Variants in MYO5B observed in about 807,000 individuals in gnomAD.
The protein encoded by MYO5B is myosin VB, also known as unconventional myosin-Vb.
Under a neutral mutation model 229.3 loss-of-function variants are expected in MYO5B, and 143 were observed. That is an observed-to-expected ratio of 0.62 (90% CI 0.54 to 0.72). The LOEUF (loss-of-function observed/expected upper bound fraction) is 0.72, where lower values mean the gene tolerates loss of function less well. MYO5B is among the 30% of genes least tolerant of loss of function. The pLI is 0.00. For synonymous variants in MYO5B, 918 were observed against 885.2 expected, an observed-to-expected ratio of 1.04 and a Z score of -0.66; for missense variants, 2,321 against 2,331.0, an observed-to-expected ratio of 1.00 and a Z score of 0.09.
intron 1 of MYO5B, among the ~76,000 whole-genome samples, chr18:50,159,945 G>A (rs2032739736): frequency 6.6e-6 from 1 of 152,186 alleles, no homozygotes; most frequent in African/African-American, 2.4e-5. Context: ...ACAGGCACAG[G>A]CACACAGACG....
intron 29 of MYO5B, among the ~76,000 whole-genome samples, chr18:49,858,387 C>G (rs910616004): frequency 1.3e-5 from 2 of 152,222 alleles, no homozygotes; most frequent in African/African-American, 2.4e-5. Context: ...AGCGCATCAG[C>G]GCTGAAAGGG....
intron 38 of MYO5B, 107 bp downstream of exon 38, chr18:49,836,604 A>G (rs1568602690): frequency 2.3e-6 from 3 of 1,305,018 alleles, no homozygotes; most frequent in Non-Finnish European, 3.3e-6. Flanking sequence ...GGGTATATAA[A>G]GGGTGGGAGT....
intron 1 of MYO5B, among the ~76,000 whole-genome samples, chr18:50,173,490 C>T (rs564617002): frequency 8.5e-5 from 13 of 152,250 alleles, no homozygotes; most frequent in Middle Eastern, 3.4e-3. Flanking sequence ...GATCTGGCTG[C>T]TGCACAGAGA....
At chr18:50,149,002 C>G (rs1388556985) in intron 1 of MYO5B, among the ~76,000 whole-genome samples, 2 of 150,762 alleles carry the variant, frequency 1.3e-5, no homozygotes, top group African/African-American at 4.8e-5. Context: ...GATACAAAAT[C>G]AATGTACAAA....
intron 1 of MYO5B, among the ~76,000 whole-genome samples, chr18:50,073,291 C>G (rs374598340): frequency 2.3e-4 from 35 of 152,228 alleles, no homozygotes; most frequent in African/African-American, 8.4e-4. Context: ...TTTTATCACT[C>G]AACAAAACTC....
At chr18:50,083,268 C>T (rs879482227) in intron 1 of MYO5B, among the ~76,000 whole-genome samples, 1 of 152,160 alleles carries the variant, frequency 6.6e-6, no homozygotes. Flanking sequence ...CTTGCCAAAC[C>T]CCACCATTTA....
At chr18:49,881,543 C>G (rs1226618399) in intron 22 of MYO5B, among the ~76,000 whole-genome samples, 2 of 152,138 alleles carry the variant, frequency 1.3e-5, no homozygotes, top group Non-Finnish European at 2.9e-5. Flanking sequence ...TGGCTCACAC[C>G]TGTAATCCCA....
At chr18:50,036,715 T>C in intron 4 of MYO5B, 135 bp downstream of exon 4, 1 of 1,011,958 alleles carries the variant, frequency 9.9e-7, no homozygotes, top group Non-Finnish European at 1.5e-6. Context: ...GAACTTGGGC[T>C]GCTTTGTTTC....
At chr18:49,849,827 A>G in intron 31 of MYO5B, 167 bp from the exon 32 acceptor site, 1 of 690,228 alleles carries the variant, frequency 1.4e-6, no homozygotes, top group East Asian at 2.7e-5. Flanking sequence ...GGCTGTTGCC[A>G]CCTGCTCTGG....
At position 50,071,187 on chromosome 18, in the gene MYO5B, T is replaced by C. The variant is rs1030875866; in HGVS notation, c.28-15809A>G. Reference sequence around the variant, plus strand: ...TGGGCCTTGCTCATGCTGGTTCCTCTGCTGAAGATATCTTCCTCCCTTCCT... The same window carrying C: ...TGGGCCTTGCTCATGCTGGTTCCTCCGCTGAAGATATCTTCCTCCCTTCCT... On this transcript the variant is annotated intron_variant, in intron 1 of 39. Coordinates refer to ENST00000285039, the MANE Select transcript of MYO5B (RefSeq NM_001080467.3). Among the ~76,000 whole-genome samples, 5 of 152,194 alleles carry C rather than the reference T, an allele frequency of 3.3e-5. No individual in the cohort carries two copies. In the East Asian group the frequency reaches 9.6e-4, roughly 29 times the overall value.
At chr18:49,990,570 G>T (rs368541157) in intron 6 of MYO5B, 50 bp from the exon 7 acceptor site, 7 of 1,478,832 alleles carry the variant, frequency 4.7e-6, no homozygotes, top group African/African-American at 2.8e-5. Flanking sequence ...CTCTAACATC[G>T]TTCCCTCTGC....
chr18:49,907,599 C>A (rs1348768933), intron 18 of MYO5B, among the ~76,000 whole-genome samples: 1 of 152,198 alleles, frequency 6.6e-6, no homozygotes, highest in African/African-American at 2.4e-5. Flanking sequence ...AAGGAATGAG[C>A]CAAGTCCAAG....
At chr18:49,864,408 A>AT in intron 27 of MYO5B, 28 bp from the exon 28 acceptor site, 1 of 1,611,324 alleles carries the variant, frequency 6.2e-7, no homozygotes, top group Non-Finnish European at 8.5e-7. Flanking sequence ...GGCCGCTGCC[A>AT]TTACTCCCTG....
chr18:49,851,531 A>G (rs895504631), intron 31 of MYO5B, among the ~76,000 whole-genome samples: 1 of 152,376 alleles, frequency 6.6e-6, no homozygotes, highest in South Asian at 2.1e-4. Context: ...ACGAAGGCCC[A>G]AAGTCCTAAA....
chr18:50,043,388 T>TATTAA (rs1211562946), intron 2 of MYO5B, among the ~76,000 whole-genome samples: 229 of 67,974 alleles, frequency 3.4e-3, no homozygotes, highest in Non-Finnish European at 5.6e-3. Flanking sequence ...ATATATTAAA[T>TATTAA]ATATTTAAAT....
chr18:49,854,622 A>C (rs1187626639), intron 30 of MYO5B, among the ~76,000 whole-genome samples: 1 of 152,214 alleles, frequency 6.6e-6, no homozygotes, highest in Admixed American at 6.5e-5. Flanking sequence ...ACATGGTTAC[A>C]TGGAAAAAAT....
chr18:49,843,541 AC>A, intron 33 of MYO5B, 149 bp from the exon 34 acceptor site: 1 of 939,578 alleles, frequency 1.1e-6, no homozygotes, highest in Non-Finnish European at 1.6e-6. Context: ...GAGAGAAGCC[AC>A]CCAGGGTACC....
chr18:49,937,521 C>T lies in MYO5B; in HGVS notation c.1753-124G>A, dbSNP rs183239667. The T allele has an allele frequency of 4.8e-5, 53 of 1,099,596 alleles. No individual in the cohort carries two copies. In the African/African-American group the frequency reaches 6.2e-4, roughly 13 times the overall value. The allele number at this position is 1,099,596 out of a possible 1,614,324, so 68.1% of individuals were successfully genotyped here. On this transcript the variant is annotated intron_variant, in intron 14 of 39. Transcript: ENST00000285039. The stretch of plus-strand genomic sequence containing the variant: ...ACACACATCCACGCCAAAACCCACA[C>T]ACCAACCTGCACAGCAGCGTTACTC...
chr18:50,129,259 T>C (rs1599042567), intron 1 of MYO5B, among the ~76,000 whole-genome samples: 1 of 152,186 alleles, frequency 6.6e-6, no homozygotes, highest in Non-Finnish European at 1.5e-5. Flanking sequence ...TACAATCCCA[T>C]AGACTCCAGC....
Sources: gnomAD v4.1 joint callset for allele counts (sites outside exome capture counted in the v4.1 genomes callset) on GRCh38, gnomAD v4.1.1 for gene constraint, MANE v1.5 for transcripts, NCBI Gene and HGNC (gene_info 2026-07-23, HGNC 2026-07-21) for gene names.